Variants in NCAPG2 observed in about 807,000 individuals in gnomAD.
NCAPG2 encodes condensin-2 complex subunit G2.
A neutral mutation model predicts 141.1 loss-of-function variants in NCAPG2; 53 were observed. That is an observed-to-expected ratio of 0.38 (90% confidence interval 0.30 to 0.47). The LOEUF (loss-of-function observed/expected upper bound fraction) is 0.47, where lower values mean the gene tolerates loss of function less well. Among genes scored for constraint, NCAPG2 ranks in the 20% least tolerant of loss-of-function variants. The probability of loss-of-function intolerance (pLI) is 0.99; values close to 1 mark genes in which losing one functional copy is unlikely to be tolerated. For synonymous variants in NCAPG2, 499 were observed against 490.7 expected, an observed-to-expected ratio of 1.02 and a Z score of -0.22; for missense variants, 1,087 against 1,389.0, an observed-to-expected ratio of 0.78 and a Z score of 3.46.
intron 27 of NCAPG2, among the ~76,000 whole-genome samples, chr7:158,637,677 T>A (rs1830381290): frequency 1.1e-5 from 1 of 89,408 alleles, no homozygotes; most frequent in South Asian, 4.3e-4. Flanking sequence ...AGAAGGCCGC[T>A]AACAATTTCT....
intron 27 of NCAPG2, among the ~76,000 whole-genome samples, chr7:158,637,368 G>A (rs1386111968): frequency 1.3e-5 from 2 of 152,246 alleles, no homozygotes; most frequent in Non-Finnish European, 2.9e-5. Flanking sequence ...CTGCTTTAGT[G>A]CCCAGTTCAA....
At chr7:158,632,923 T>C (rs1311907473) in intron 27 of NCAPG2, among the ~76,000 whole-genome samples, 5 of 152,232 alleles carry the variant, frequency 3.3e-5, no homozygotes, top group African/African-American at 1.2e-4. Flanking sequence ...GCACTTTCTA[T>C]GAGGGCCACA....
chr7:158,632,778 T>C lies in NCAPG2; in HGVS notation c.3381-1061A>G, dbSNP rs554497274. Among the ~76,000 whole-genome samples the C allele has an allele frequency of 3.3e-5, 5 of 152,316 alleles. 1 individual carries two copies. The South Asian group carries it at 8.3e-4, about 25-fold the overall frequency. ...TGGATCAAGACCTTGCTTCTTTTTA[T>C]TTTTTTAAGCAAAATTCATCTTAAT... On this transcript the variant is annotated intron_variant, in intron 27 of 27. Coordinates refer to ENST00000356309, the MANE Select transcript of NCAPG2 (RefSeq NM_017760.7).
chr7:158,655,318 G>A (rs753469027), intron 20 of NCAPG2, 21 bp downstream of exon 20: 1 of 1,614,048 alleles, frequency 6.2e-7, no homozygotes, highest in Non-Finnish European at 8.5e-7. Context: ...CATCCTAATA[G>A]AGGGCCAGGA....
At chr7:158,651,030 C>CA (rs899374236) in intron 23 of NCAPG2, 58 bp from the exon 24 acceptor site, 68 of 1,482,870 alleles carry the variant, frequency 4.6e-5, no homozygotes, top group African/African-American at 4.2e-4. Flanking sequence ...TTGAAAAAAA[C>CA]AAAAAAACAC....
chr7:158,664,601 C>G lies in NCAPG2; in HGVS notation c.1629G>C (p.Leu543=). The change falls in exon 14 of 28, where the codon CTG becomes CTC. Residue 543 remains leucine (L), a synonymous_variant. Transcript: ENST00000356309. ...TGGCAGCGGCGTGGTTCATCTGCAC[C>G]AGGGTGACACAGCGCTCGCACCAGA... ...EEVWCERCVT[L]VQMNHAAARR... 1 of 1,614,076 alleles carries G rather than the reference C, an allele frequency of 6.2e-7. No individual in the cohort carries two copies. Among genetic ancestry groups the G allele is most frequent in the Non-Finnish European group, 8.5e-7 (1 of 1,180,006 alleles).
chr7:158,692,769 A>AT, intron 4 of NCAPG2, 73 bp downstream of exon 4: 2 of 982,190 alleles, frequency 2.0e-6, no homozygotes, highest in Non-Finnish European at 3.2e-6. Context: ...GAATGAATAA[A>AT]TAAAAACAGA....
At chr7:158,640,774 A>G (rs912961384) in intron 27 of NCAPG2, 4 of 152,214 alleles carry the variant, frequency 2.6e-5, no homozygotes, top group Admixed American at 2.6e-4. Flanking sequence ...ACAAAGGAGA[A>G]GCATCAAAGA....
At chr7:158,703,656 G>C (rs1463317845) in intron 1 of NCAPG2, 1 of 152,198 alleles carries the variant, frequency 6.6e-6, no homozygotes, top group East Asian at 1.9e-4. Flanking sequence ...TCACCATCCA[G>C]TTATCAGTCC....
At chr7:158,655,627 T>C (rs537146910) in intron 19 of NCAPG2, among the ~76,000 whole-genome samples, 172 bp from the exon 20 acceptor site, 5 of 1,584 alleles carry the variant, frequency 3.2e-3, no homozygotes, top group Non-Finnish European at 7.3e-3. Context: ...CTGGGTGGTA[T>C]GGGAAAATGT....
intron 13 of NCAPG2, among the ~76,000 whole-genome samples, chr7:158,669,488 C>G (rs185866419): frequency 1.4e-3 from 208 of 152,106 alleles, no homozygotes; most frequent in African/African-American, 3.5e-3. Flanking sequence ...CTTGGCCGGG[C>G]GCAGTGGCTC....
chr7:158,664,733 G>T lies in NCAPG2; in HGVS notation c.1497C>A (p.Pro499=). 6.2e-7 allele frequency: 1 copy of T among 1,613,924 alleles called. No homozygotes were observed. Residue 499 remains proline (P), a synonymous_variant, in exon 14 of 28, where the codon CCC becomes CCA. Coordinates refer to ENST00000356309, the MANE Select transcript of NCAPG2 (RefSeq NM_017760.7). ...VRAAKFWKIC[P]MEHILVRLET... ...CCAGACGAACCAGAATGTGCTCCAT[G>T]GGACATATTTTCCAAAACTGTGCAA... is the stretch of plus-strand genomic sequence containing the variant.
rs1831981228 is a variant in NCAPG2, at chr7:158,656,429, T to C, written c.2219A>G (p.Asn740Ser). The change falls in exon 19 of 28, where the codon AAC (asparagine) becomes AGC (serine). Residue 740 changes from asparagine to serine, a missense_variant. By Grantham distance (46) the Asn-to-Ser change is conservative (BLOSUM62 1). Coordinates refer to ENST00000356309, the MANE Select transcript of NCAPG2 (RefSeq NM_017760.7). ...LPTEHAQAKSNTASKGRVQIH... is the reference protein window; with the variant it reads ...LPTEHAQAKSSTASKGRVQIH... The stretch of plus-strand genomic sequence containing the variant: ...CTGCACCCTACCTTTAGAAGCTGTG[T>C]TGCTCTGAAAGAAGAGAGAGAGAAA... 3 of 1,613,552 alleles carry C rather than the reference T, an allele frequency of 1.9e-6. No homozygotes were observed. Among genetic ancestry groups the C allele is most frequent in the Non-Finnish European group, 2.5e-6 (3 of 1,179,820 alleles).
chr7:158,661,020 T>G (rs1832458089), intron 16 of NCAPG2, among the ~76,000 whole-genome samples: 1 of 152,134 alleles, frequency 6.6e-6, no homozygotes, highest in Admixed American at 6.5e-5. Flanking sequence ...GAACTGTGAG[T>G]CCATTAAACC....
At chr7:158,695,072 C>T (rs1282373031) in intron 2 of NCAPG2, among the ~76,000 whole-genome samples, 2 of 152,138 alleles carry the variant, frequency 1.3e-5, no homozygotes, top group South Asian at 2.1e-4. Context: ...CGCTTAAGTC[C>T]ATTAATGGTA....
At chr7:158,638,303 G>A (rs62478287) in intron 27 of NCAPG2, among the ~76,000 whole-genome samples, 5,915 of 152,202 alleles carry the variant, frequency 0.039, 145 homozygotes, top group African/African-American at 0.067. Context: ...ACTGGAGTGC[G>A]GTGGCGCAAT....
intron 12 of NCAPG2, among the ~76,000 whole-genome samples, chr7:158,671,938 G>A (rs991134600): frequency 2.0e-5 from 3 of 152,034 alleles, no homozygotes; most frequent in Non-Finnish European, 4.4e-5. Flanking sequence ...AATCTTTAAT[G>A]CTCTCTCTCA....
At chr7:158,640,052 C>CAAAAAAAAAAAAA (rs58368997) in intron 27 of NCAPG2, 1 of 98,324 alleles carries the variant, frequency 1.0e-5, no homozygotes, top group Non-Finnish European at 2.0e-5. Context: ...GAATAAATGC[C>CAAAAAAAAAAAAA]AAAAAAAAAA....
intron 2 of NCAPG2, among the ~76,000 whole-genome samples, chr7:158,694,507 A>G (rs12666144): frequency 0.32 from 48,291 of 152,040 alleles, 7,920 homozygotes; most frequent in East Asian, 0.4. Context: ...GGACGGACAG[A>G]CCATGCCATG....
Sources: gnomAD v4.1 joint callset for allele counts (sites outside exome capture counted in the v4.1 genomes callset) on GRCh38, gnomAD v4.1.1 for gene constraint, MANE v1.5 for transcripts, NCBI Gene and HGNC (gene_info 2026-07-23, HGNC 2026-07-21) for gene names.